The following MFGE8 variants were observed in gnomAD, a reference collection of about 807,000 sequenced individuals.
MFGE8 encodes the protein milk fat globule EGF and factor V/VIII domain containing, also known as lactadherin.
MFGE8 carries 34 observed loss-of-function variants against 42.6 expected under a neutral mutation model. The ratio of observed to expected loss-of-function variants is 0.80; its 90% CI spans 0.61 to 1.06. MFGE8 has a LOEUF of 1.06. Ranked by LOEUF, MFGE8 falls within the 50% of genes least tolerant of loss-of-function variation. The pLI is 0.00. For synonymous variants in MFGE8, 230 were observed against 214.8 expected (o/e 1.07, Z -0.62); for missense variants, 510 against 516.9 (o/e 0.99, Z 0.13).
At chr15:88,900,768 A>G (rs1053318377) in intron 6 of MFGE8, 45 of 985,270 alleles carry the variant, frequency 4.6e-5, no homozygotes, top group Non-Finnish European at 4.9e-5. Flanking sequence ...CCTAGTTTCA[A>G]TGACAGACAA....
At chr15:88,912,853 A>C (rs1899032017) in intron 1 of MFGE8, 1 of 985,348 alleles carries the variant, frequency 1.0e-6, no homozygotes, top group Non-Finnish European at 1.2e-6. Context: ...AAAGTTATCC[A>C]GACAAGACTT....
At position 88,906,893 on chromosome 15, in the gene MFGE8, C is replaced by A; in HGVS notation, c.388-115G>T. 1 of 1,326,500 alleles carries A rather than the reference C, an allele frequency of 7.5e-7. No homozygotes were observed. Among genetic ancestry groups the A allele is most frequent in the Non-Finnish European group, 1.1e-6 (1 of 932,206 alleles). 82.2% of individuals were successfully genotyped at this position (1,326,500 alleles called of 1,614,324 possible). On this transcript the variant is annotated intron_variant, in intron 3 of 7. Coordinates refer to ENST00000268150, the MANE Select transcript of MFGE8 (RefSeq NM_005928.4). This position sits in a 1 kb window ranked among gnomAD's most constrained non-coding sequence, Gnocchi z 4.2. ...GGGTGGGGGAACAACTCAAGCAAAA[C>A]AGAGGAGGGGTAGCTGAGCACACTG...
chr15:88,901,993 C>A (rs781780831), intron 5 of MFGE8: 33 of 494,746 alleles, frequency 6.7e-5, no homozygotes, highest in Non-Finnish European at 1.1e-4. Flanking sequence ...CCACCCTTCT[C>A]CTCTGCACCA....
rs1350873357 is a variant in MFGE8 at position 88,906,370 on chromosome 15, CACT to C, written c.540+253_540+255del. ...TCAGAATGAAACCCAGCTCCACCACCACTATCACCCTCAACAGGTCACTGTGCC... is the reference window on the plus strand; with the variant it reads ...TCAGAATGAAACCCAGCTCCACCACCATCACCCTCAACAGGTCACTGTGCC... On this transcript the variant is annotated intron_variant, in intron 4 of 7. Transcript: ENST00000268150. This position sits in a 1 kb window ranked among gnomAD's most constrained non-coding sequence, Gnocchi z 4.2. The C allele has an allele frequency of 3.9e-6, 2 of 514,836 alleles. No individual in the cohort carries two copies. The highest frequency in any genetic ancestry group is 3.8e-5 in the African/African-American group (2 of 51,952). The allele number at this position is 514,836 out of a possible 1,614,324, so 31.9% of individuals were successfully genotyped here.
chr15:88,901,507 A>C, intron 6 of MFGE8, 44 bp downstream of exon 6: 1 of 1,257,918 alleles, frequency 7.9e-7, no homozygotes. Context: ...GTCCCACCTC[A>C]TCCCACCCAA....
At position 88,913,309 on chromosome 15, in the gene MFGE8, G is replaced by A. The variant is rs1464890818; in HGVS notation, c.11C>T (p.Pro4Leu). MPRPRLLAALCGAL... is the reference protein window; with the variant it reads MPRLRLLAALCGAL... ...GCCGCACAGCGCGGCCAGCAGGCGG[G>A]GGCGCGGCATGCTGCGGGGACGCGG... Residue 4 changes from proline to leucine, a missense_variant, in exon 1 of 8, where the codon CCC becomes CTC. Transcript: ENST00000268150. The A allele has an allele frequency of 7.5e-6, 11 of 1,461,256 alleles. No homozygotes were observed. The Admixed American group carries it at 1.1e-4, about 14-fold the overall frequency. 90.5% of individuals were successfully genotyped at this position (1,461,256 alleles called of 1,614,324 possible). A position where few individuals can be genotyped will look rare whatever the true frequency, so the allele number is the denominator to read the frequency against.
chr15:88,912,590 G>A (rs1393292182), intron 1 of MFGE8: 2 of 985,258 alleles, frequency 2.0e-6, no homozygotes, highest in Non-Finnish European at 2.4e-6. Flanking sequence ...CTGGGAGGCG[G>A]AGGAGGACCG....
At chr15:88,901,148 TTC>T (rs149258425) in intron 6 of MFGE8, among the ~76,000 whole-genome samples, 2 of 51,988 alleles carry the variant, frequency 3.8e-5, no homozygotes, top group South Asian at 6.3e-4. Context: ...CACACACACA[TTC>T]TCACACACAC....
In MFGE8 at chr15:88,905,941, T is replaced by G; in HGVS notation, c.541-40A>C. ...ACAAGACTGGAGAAGGGGGTCCATC[T>G]GAGCAGTCCCCCTCCCTGGGGTTAC... On this transcript the variant is annotated intron_variant, in intron 4 of 7. Coordinates refer to ENST00000268150, the MANE Select transcript of MFGE8 (RefSeq NM_005928.4). The surrounding 1 kb of genome is among the most constrained non-coding windows in gnomAD (Gnocchi z 6.6). 2 of 1,612,668 alleles carry G rather than the reference T, an allele frequency of 1.2e-6. No homozygotes were observed. Among genetic ancestry groups the G allele is most frequent in the Non-Finnish European group, 1.7e-6 (2 of 1,178,734 alleles).
At chr15:88,907,840 C>T (rs1458922572) in intron 2 of MFGE8, among the ~76,000 whole-genome samples, 1 of 152,146 alleles carries the variant, frequency 6.6e-6, no homozygotes, top group Non-Finnish European at 1.5e-5. Flanking sequence ...CTCCCCCCAC[C>T]AGGAAGGGAC....
At chr15:88,901,818 C>G (rs1898450312) in intron 5 of MFGE8, 83 bp from the exon 6 acceptor site, 4 of 1,362,334 alleles carry the variant, frequency 2.9e-6, no homozygotes, top group Non-Finnish European at 4.1e-6. Flanking sequence ...GCAGAAAGAA[C>G]TCTGTGGATC....
chr15:88,907,453 A>C, intron 2 of MFGE8, 77 bp from the exon 3 acceptor site: 2 of 1,347,442 alleles, frequency 1.5e-6, no homozygotes, highest in African/African-American at 1.4e-5. Context: ...CGGACAAGAA[A>C]ATAAGACTGT....
Position 88,898,944 on chromosome 15 carries a change from C to T in MFGE8, c.*451G>A, listed in dbSNP as rs531226967. 42 of 250,170 alleles carry T rather than the reference C, an allele frequency of 1.7e-4. 1 individual carries two copies. The highest frequency in any genetic ancestry group is 9.3e-4 in the African/African-American group (42 of 45,298). 15.5% of individuals were successfully genotyped at this position (250,170 alleles called of 1,614,324 possible). On this transcript the variant is annotated 3_prime_UTR_variant, in exon 8 of 8. Coordinates refer to ENST00000268150, the MANE Select transcript of MFGE8 (RefSeq NM_005928.4). Reference sequence around the variant, plus strand: ...TTGTGGCCACATGGTACCCCAGGGCCGACGCAGGGCCGACGGGCAAGAGGC... The same window carrying T: ...TTGTGGCCACATGGTACCCCAGGGCTGACGCAGGGCCGACGGGCAAGAGGC...
At chr15:88,908,654 GT>G (rs1456551622) in intron 2 of MFGE8, among the ~76,000 whole-genome samples, 1 of 152,118 alleles carries the variant, frequency 6.6e-6, no homozygotes, top group East Asian at 1.9e-4. Context: ...CACACTCACT[GT>G]TACCTCAGCT....
intron 1 of MFGE8, 117 bp from the exon 2 acceptor site, chr15:88,910,040 T>C: frequency 7.6e-7 from 1 of 1,314,050 alleles, no homozygotes; most frequent in Non-Finnish European, 1.1e-6. Context: ...GCCCATTATC[T>C]CTTCCTCTCC....
At chr15:88,909,480 CAAG>C (rs1248222079) in intron 2 of MFGE8, among the ~76,000 whole-genome samples, 9 of 152,244 alleles carry the variant, frequency 5.9e-5, no homozygotes, top group African/African-American at 2.2e-4. Context: ...CATGGTGACT[CAAG>C]AAACAGCACT....
chr15:88,906,730 C>T lies in MFGE8; in HGVS notation c.436G>A (p.Ala146Thr). Residue 146 changes from alanine to threonine, a missense_variant, in exon 4 of 8, where the codon GCC becomes ACC. Coordinates refer to ENST00000268150, the MANE Select transcript of MFGE8 (RefSeq NM_005928.4). This position sits in a 1 kb window ranked among gnomAD's most constrained non-coding sequence, Gnocchi z 4.2. ...TACTCATGACTGGCCAAGCGGCTGG[C>T]ACCCTGCGTCACCACACCTGTTACC... ...MWVTGVVTQGASRLASHEYLK... is the reference protein window; with the variant it reads ...MWVTGVVTQGTSRLASHEYLK... The T allele has an allele frequency of 6.2e-7, 1 of 1,613,658 alleles. No individual in the cohort carries two copies. The highest frequency in any genetic ancestry group is 8.5e-7 in the Non-Finnish European group (1 of 1,179,918).
Position 88,905,701 on chromosome 15 carries a change from G to T in MFGE8, c.685+56C>A. Reference sequence around the variant, plus strand: ...GGCTGAGAAAAGAGGCAGCAGGGAGGGCCACCTCCTAGGATTGGCCAACAG... The same window carrying T: ...GGCTGAGAAAAGAGGCAGCAGGGAGTGCCACCTCCTAGGATTGGCCAACAG... On this transcript the variant is annotated intron_variant, in intron 5 of 7. Coordinates refer to ENST00000268150, the MANE Select transcript of MFGE8 (RefSeq NM_005928.4). The surrounding 1 kb of genome is among the most constrained non-coding windows in gnomAD (Gnocchi z 6.6). 1 of 1,610,418 alleles carries T rather than the reference G, an allele frequency of 6.2e-7. No homozygotes were observed. Among genetic ancestry groups the T allele is most frequent in the East Asian group, 2.2e-5 (1 of 44,844 alleles).
chr15:88,904,965 A>C (rs1898599456), intron 5 of MFGE8: 1 of 155,926 alleles, frequency 6.4e-6, no homozygotes, highest in Non-Finnish European at 1.4e-5. Flanking sequence ...AGAAATACCC[A>C]GACCTCAGGA....
Sources: allele counts gnomAD v4.1 joint callset (sites outside exome capture counted in the v4.1 genomes callset), GRCh38; gene constraint gnomAD v4.1.1; non-coding constraint Gnocchi (gnomAD v3.1); transcripts MANE v1.5; gene names NCBI Gene and HGNC (gene_info 2026-07-23, HGNC 2026-07-21).